The following UBR3 variants were observed in gnomAD, a reference collection of about 807,000 sequenced individuals.
UBR3 encodes ubiquitin protein ligase E3 component n-recognin 3.
In UBR3, 85 loss-of-function variants were observed where a neutral mutation model predicts 243.2. The observed-to-expected ratio is 0.35, with a 90% CI of 0.29 to 0.42. The LOEUF (loss-of-function observed/expected upper bound fraction) is 0.42. UBR3 is among the 10% of genes least tolerant of loss of function. The pLI is 1.00. For missense variants in UBR3, 1,686 were observed against 2,300.8 expected (o/e 0.73, Z 5.47); for synonymous variants, 748 against 799.8 (o/e 0.94, Z 1.09).
chr2:169,994,184 CT>C (rs1372908668), intron 25 of UBR3, 138 bp from the exon 26 acceptor site: 11 of 983,736 alleles, frequency 1.1e-5, no homozygotes, highest in Non-Finnish European at 1.5e-5. Context: ...TAGAATACCA[CT>C]TTTTTGAGGG....
At chr2:170,004,488 G>T (rs1015845613) in intron 27 of UBR3, among the ~76,000 whole-genome samples, 3 of 152,068 alleles carry the variant, frequency 2.0e-5, no homozygotes, top group Non-Finnish European at 2.9e-5. Flanking sequence ...ATGGGAGAGG[G>T]CAGGATGCTG....
intron 17 of UBR3, among the ~76,000 whole-genome samples, 167 bp downstream of exon 17, chr2:169,927,572 A>G (rs962428967): frequency 4.2e-5 from 3 of 70,962 alleles, no homozygotes; most frequent in African/African-American, 1.1e-4. Flanking sequence ...AAGCCTGGTG[A>G]CTGTTTTTTT....
intron 2 of UBR3, 93 bp downstream of exon 2, chr2:169,872,468 C>CT (rs542815791): frequency 6.5e-6 from 6 of 923,714 alleles, no homozygotes; most frequent in Admixed American, 3.7e-5. Context: ...TTTTAGATAT[C>CT]TTTTTTTGTT....
intron 5 of UBR3, 72 bp downstream of exon 5, chr2:169,878,646 ACTT>A (rs2083707483): frequency 1.5e-6 from 2 of 1,296,986 alleles, no homozygotes; most frequent in African/African-American, 1.5e-5. Flanking sequence ...ATTATTTTAT[ACTT>A]CTTTATAGTT....
chr2:169,988,779 G>A (rs1156357588), intron 25 of UBR3, among the ~76,000 whole-genome samples: 1 of 152,064 alleles, frequency 6.6e-6, no homozygotes, highest in Admixed American at 6.6e-5. Context: ...GCGTGATAGA[G>A]TAAGACCCTA....
intron 1 of UBR3, among the ~76,000 whole-genome samples, chr2:169,866,031 A>G (rs2083246056): frequency 6.6e-6 from 1 of 151,708 alleles, no homozygotes; most frequent in South Asian, 2.1e-4. Flanking sequence ...CGTGCCTGTA[A>G]TCCCAGCTAC....
Position 169,890,583 on chromosome 2 carries a change from A to ATATATATATGTATATATATG in UBR3, c.1039-572_1039-553dup, listed in dbSNP as rs2084332913. On this transcript the variant is annotated intron_variant, in intron 5 of 38. Transcript: ENST00000272793. Reference sequence around the variant, plus strand: ...TATATATGTGTATATATATATATGTATATATATATGTATATATATGTATAT... The same window carrying ATATATATATGTATATATATG: ...TATATATGTGTATATATATATATGTATATATATATGTATATATATGTATATATATGTATATATATGTATAT... 1.5e-4 allele frequency among the ~76,000 whole-genome samples: 14 copies of ATATATATATGTATATATATG among 94,084 alleles called. 1 individual carries two copies. The highest frequency in any genetic ancestry group is 1.9e-4 in the Non-Finnish European group (9 of 48,068). The allele number at this position is 94,084 out of a possible 152,430, so 61.7% of individuals were successfully genotyped here.
At chr2:170,038,835 A>C (rs999436967) in intron 31 of UBR3, among the ~76,000 whole-genome samples, 2 of 152,194 alleles carry the variant, frequency 1.3e-5, no homozygotes, top group African/African-American at 2.4e-5. Flanking sequence ...TTTTAGTGGC[A>C]GAAACAGCAA....
chr2:169,885,357 G>T (rs1039763150), intron 5 of UBR3, among the ~76,000 whole-genome samples: 1 of 152,112 alleles, frequency 6.6e-6, no homozygotes, highest in Admixed American at 6.5e-5. Context: ...CGAGGCGGGC[G>T]GATCACCTGA....
At chr2:170,077,603 T>A in intron 36 of UBR3, 1 of 504,550 alleles carries the variant, frequency 2.0e-6, no homozygotes. Flanking sequence ...GGAATAACTT[T>A]GAGACAGAGT....
chr2:169,903,435 G>A (rs1387268319), intron 8 of UBR3, among the ~76,000 whole-genome samples: 1 of 152,182 alleles, frequency 6.6e-6, no homozygotes, highest in Non-Finnish European at 1.5e-5. Flanking sequence ...GTAGTTGTCA[G>A]TCATGGCCAG....
chr2:169,943,249 A>G (rs558430605), intron 20 of UBR3, among the ~76,000 whole-genome samples: 29 of 152,328 alleles, frequency 1.9e-4, no homozygotes, highest in Middle Eastern at 3.4e-3. Context: ...TGTGAAGCAT[A>G]ATATTGTATA....
chr2:170,015,122 A>G, intron 29 of UBR3, 159 bp from the exon 30 acceptor site: 1 of 543,080 alleles, frequency 1.8e-6, no homozygotes, highest in Non-Finnish European at 3.2e-6. Flanking sequence ...ATTTCTAAAT[A>G]TCAGATAAAT....
At chr2:169,976,423 C>T (rs73017646) in intron 24 of UBR3, among the ~76,000 whole-genome samples, 6,509 of 151,998 alleles carry the variant, frequency 0.043, 153 homozygotes, top group Middle Eastern at 0.061. Flanking sequence ...CTCTCCTGAG[C>T]ATTTCTTGTA....
chr2:169,881,793 T>G (rs967239610), intron 5 of UBR3, among the ~76,000 whole-genome samples: 3 of 138,576 alleles, frequency 2.2e-5, no homozygotes, highest in African/African-American at 5.3e-5. Flanking sequence ...ATATGTATAT[T>G]TATATTTATG....
intron 4 of UBR3, among the ~76,000 whole-genome samples, chr2:169,878,317 CGCCACT>C (rs1559049307): frequency 6.6e-6 from 1 of 150,386 alleles, no homozygotes; most frequent in Non-Finnish European, 1.5e-5. Context: ...GGTGAGATTG[CGCCACT>C]GCACTCCAGC....
intron 3 of UBR3, among the ~76,000 whole-genome samples, chr2:169,876,894 G>C (rs763532744): frequency 3.9e-5 from 6 of 152,040 alleles, no homozygotes; most frequent in Non-Finnish European, 5.9e-5. Context: ...GCAAGGCTGA[G>C]AAGTGATCCC....
At chr2:169,912,979 A>G (rs991201089) in intron 10 of UBR3, among the ~76,000 whole-genome samples, 5 of 152,046 alleles carry the variant, frequency 3.3e-5, no homozygotes, top group South Asian at 2.1e-4. Flanking sequence ...AGAGACAGAG[A>G]CTTGCTGTGT....
At chr2:169,872,549 T>G (rs1419817020) in intron 2 of UBR3, among the ~76,000 whole-genome samples, 174 bp downstream of exon 2, 1 of 152,134 alleles carries the variant, frequency 6.6e-6, no homozygotes, top group Non-Finnish European at 1.5e-5. Flanking sequence ...TTATATAACC[T>G]TATATGTTGC....
Sources: allele counts gnomAD v4.1 joint callset (sites outside exome capture counted in the v4.1 genomes callset), GRCh38; gene constraint gnomAD v4.1.1; transcripts MANE v1.5; gene names NCBI Gene and HGNC (gene_info 2026-07-23, HGNC 2026-07-21).